The following COL9A1 variants were observed in gnomAD, a reference collection of about 807,000 sequenced individuals.
COL9A1 encodes collagen type IX alpha 1 chain.
Under a neutral mutation model 142.6 loss-of-function variants are expected in COL9A1, and 104 were observed. The observed-to-expected ratio is 0.73, with a 90% CI of 0.62 to 0.86. COL9A1 has a LOEUF of 0.86. Among genes scored for constraint, COL9A1 ranks in the 40% least tolerant of loss-of-function variants. The pLI is 0.00. For missense variants in COL9A1, 1,210 were observed against 1,176.6 expected, an observed-to-expected ratio of 1.03 and a Z score of -0.42; for synonymous variants, 466 against 396.0, an observed-to-expected ratio of 1.18 and a Z score of -2.10.
Position 70,300,317 on chromosome 6 carries a change from T to C in COL9A1, c.158A>G (p.Asp53Gly), listed in dbSNP as rs564421091. ...LCPKIRIGQDDLPGFDLISQF... is the reference protein window; with the variant it reads ...LCPKIRIGQDGLPGFDLISQF... ...GGTACATTGCTACTCACCTGGTAAG[T>C]CATCTTGGCCAATCCTGATCTTTGG... The change falls in exon 3 of 38, where the codon GAC (aspartate) becomes GGC (glycine). Residue 53 changes from aspartate to glycine, a missense_variant. Coordinates refer to ENST00000357250, the MANE Select transcript of COL9A1 (RefSeq NM_001851.6). 123 of 1,613,528 alleles carry C rather than the reference T, an allele frequency of 7.6e-5. 1 individual carries two copies. The South Asian group carries it at 1.2e-3, about 16-fold the overall frequency.
chr6:70,234,067 A>G (rs1199691209), intron 35 of COL9A1, among the ~76,000 whole-genome samples: 1 of 152,240 alleles, frequency 6.6e-6, no homozygotes, highest in African/African-American at 2.4e-5. Context: ...GTTTTTACAT[A>G]TGTGTACATG....
At chr6:70,250,011 A>C (rs920205908) in intron 28 of COL9A1, among the ~76,000 whole-genome samples, 1 of 152,216 alleles carries the variant, frequency 6.6e-6, no homozygotes, top group Non-Finnish European at 1.5e-5. Context: ...CTGTAATCCC[A>C]GCACTTTGGG....
intron 4 of COL9A1, among the ~76,000 whole-genome samples, chr6:70,297,046 A>G (rs2127606650): frequency 6.6e-6 from 1 of 152,094 alleles, no homozygotes; most frequent in Non-Finnish European, 1.5e-5. Context: ...TGTTTAGGTG[A>G]CTCTTGTGAA....
At chr6:70,260,270 G>A (rs1248716721) in intron 20 of COL9A1, among the ~76,000 whole-genome samples, 6 of 152,104 alleles carry the variant, frequency 3.9e-5, no homozygotes, top group Non-Finnish European at 7.4e-5. Context: ...GGCTGGGCGC[G>A]GTGGCTCACA....
At chr6:70,266,690 T>C (rs368537411) in intron 18 of COL9A1, 27 bp downstream of exon 18, 1 of 1,573,844 alleles carries the variant, frequency 6.4e-7, no homozygotes, top group African/African-American at 1.3e-5. Flanking sequence ...AATCACAATT[T>C]ATCCACTAAA....
At chr6:70,271,138 A>G (rs79048956) in intron 14 of COL9A1, among the ~76,000 whole-genome samples, 2,549 of 152,336 alleles carry the variant, frequency 0.017, 77 homozygotes, top group African/African-American at 0.057. Flanking sequence ...TGAGTTTACA[A>G]TTACGCGCCT....
intron 37 of COL9A1, among the ~76,000 whole-genome samples, chr6:70,224,780 A>T (rs1249926464): frequency 1.3e-5 from 2 of 152,218 alleles, no homozygotes; most frequent in African/African-American, 4.8e-5. Context: ...TTTCATTACT[A>T]ATCATAAATC....
rs1771609979 is a variant in COL9A1 at position 70,260,584 on chromosome 6, G to C, written c.1449+73C>G. On this transcript the variant is annotated intron_variant, in intron 20 of 37. Transcript: ENST00000357250. The stretch of plus-strand genomic sequence containing the variant: ...AAAAAAAAGTTGTTGAAGATAAAAA[G>C]TTATGTTTAAACGGCCAAAATTTTA... 5.9e-6 allele frequency: 7 copies of C among 1,179,754 alleles called. No individual in the cohort carries two copies. The South Asian group carries it at 7.0e-5, about 12-fold the overall frequency. The allele number at this position is 1,179,754 out of a possible 1,614,324, so 73.1% of individuals were successfully genotyped here. A position where few individuals can be genotyped will look rare whatever the true frequency, so the allele number is the denominator to read the frequency against.
intron 11 of COL9A1, 26 bp downstream of exon 11, chr6:70,274,693 C>T (rs754534457): frequency 1.3e-6 from 2 of 1,584,648 alleles, no homozygotes; most frequent in East Asian, 4.5e-5. Context: ...TTCGTACTAG[C>T]AATTAATGCC....
At chr6:70,282,719 G>T (rs192748070) in intron 7 of COL9A1, among the ~76,000 whole-genome samples, 179 bp downstream of exon 7, 37 of 152,280 alleles carry the variant, frequency 2.4e-4, no homozygotes, top group Non-Finnish European at 4.1e-4. Flanking sequence ...TAGACCAAGG[G>T]GTCATCTACG....
At chr6:70,266,207 A>G (rs111592764) in intron 18 of COL9A1, among the ~76,000 whole-genome samples, 3,529 of 152,322 alleles carry the variant, frequency 0.023, 153 homozygotes, top group African/African-American at 0.08. Context: ...GTAAGTTATT[A>G]CTAACCTCCA....
chr6:70,267,313 T>C lies in COL9A1; in HGVS notation c.1288-543A>G, dbSNP rs1487223554. Among the ~76,000 whole-genome samples the C allele has an allele frequency of 2.9e-5, 4 of 140,236 alleles. No individual in the cohort carries two copies. In the East Asian group the frequency reaches 8.0e-4, roughly 28 times the overall value. The allele number at this position is 140,236 out of a possible 152,430, so 92.0% of individuals were successfully genotyped here. A position where few individuals can be genotyped will look rare whatever the true frequency, so the allele number is the denominator to read the frequency against. ...TCTCTGTACATTTTTTGTTGTTGTT[T>C]GTTTGGTTTTTTTGTTTTTTTTTTT... On this transcript the variant is annotated intron_variant, in intron 17 of 37. Coordinates refer to ENST00000357250, the MANE Select transcript of COL9A1 (RefSeq NM_001851.6).
intron 19 of COL9A1, 142 bp downstream of exon 19, chr6:70,263,101 CA>C: frequency 1.7e-6 from 1 of 576,852 alleles, no homozygotes; most frequent in Non-Finnish European, 3.0e-6. Context: ...AGTTATCCCC[CA>C]GTGCTGGCGT....
chr6:70,264,143 A>G (rs535161329), intron 18 of COL9A1, among the ~76,000 whole-genome samples: 1 of 152,060 alleles, frequency 6.6e-6, no homozygotes, highest in Non-Finnish European at 1.5e-5. Flanking sequence ...GAAATTCTAT[A>G]ATACATTTTA....
At chr6:70,247,164 A>G (rs1029942380) in intron 28 of COL9A1, among the ~76,000 whole-genome samples, 3 of 152,202 alleles carry the variant, frequency 2.0e-5, no homozygotes, top group Admixed American at 2.0e-4. Context: ...GAAAAAAATA[A>G]GTCTTTAGTT....
chr6:70,221,097 C>T (rs918127539), intron 37 of COL9A1, among the ~76,000 whole-genome samples: 15 of 148,552 alleles, frequency 1.0e-4, no homozygotes, highest in African/African-American at 3.9e-4. Context: ...TATTGCTAAA[C>T]GTTTTTTTTT....
chr6:70,239,409 CT>C, intron 32 of COL9A1, 123 bp from the exon 33 acceptor site: 1 of 689,156 alleles, frequency 1.5e-6, no homozygotes, highest in South Asian at 1.7e-5. Flanking sequence ...AACTCCGGCA[CT>C]GCAAAAAAAT....
chr6:70,301,753 G>A (rs1364573792), intron 2 of COL9A1, among the ~76,000 whole-genome samples: 1 of 152,126 alleles, frequency 6.6e-6, no homozygotes, highest in African/African-American at 2.4e-5. Flanking sequence ...ACTAGGCACT[G>A]CACTAGGCAC....
chr6:70,270,323 TGGGGGGCCA>T lies in COL9A1; in HGVS notation c.1179_1187del (p.Pro396_Pro398del), dbSNP rs1377791321. 1 of 1,613,732 alleles carries T rather than the reference TGGGGGGCCA, an allele frequency of 6.2e-7. No individual in the cohort carries two copies. The highest frequency in any genetic ancestry group is 8.5e-7 in the Non-Finnish European group (1 of 1,179,752). On this transcript the variant is annotated inframe_deletion, in exon 15 of 38. Coordinates refer to ENST00000357250, the MANE Select transcript of COL9A1 (RefSeq NM_001851.6). The stretch of plus-strand genomic sequence containing the variant: ...GCTGCAAATAACTTACTCTGGGTCC[TGGGGGGCCA>T]GGGGGGCCAGGTGGTCCTCTTCTCC...
Sources: gnomAD v4.1 joint callset for allele counts (sites outside exome capture counted in the v4.1 genomes callset) on GRCh38, gnomAD v4.1.1 for gene constraint, MANE v1.5 for transcripts, NCBI Gene and HGNC (gene_info 2026-07-23, HGNC 2026-07-21) for gene names.